PLCE1: variants seen among roughly 807,000 people sequenced by gnomAD.
PLCE1 encodes the protein phospholipase C epsilon 1.
Under a neutral mutation model 242.8 loss-of-function variants are expected in PLCE1, and 119 were observed. The ratio of observed to expected loss-of-function variants is 0.49; its 90% CI spans 0.42 to 0.57. The LOEUF is 0.57. Among genes scored for constraint, PLCE1 ranks in the 20% least tolerant of loss-of-function variants. The probability of loss-of-function intolerance (pLI) is 0.00; values close to 1 mark genes in which losing one functional copy is unlikely to be tolerated. For synonymous variants in PLCE1, 945 were observed against 1,017.4 expected, an observed-to-expected ratio of 0.93 and a Z score of 1.35; for missense variants, 2,441 against 2,788.8, an observed-to-expected ratio of 0.88 and a Z score of 2.81.
intron 8 of PLCE1, among the ~76,000 whole-genome samples, chr10:94,249,896 A>T (rs1314520968): frequency 1.3e-5 from 2 of 152,140 alleles, no homozygotes; most frequent in African/African-American, 4.8e-5. Flanking sequence ...CCAGGTAAAT[A>T]TCTTTGGTTA....
At chr10:94,321,122 ATTCATTCAGCCT>A (rs1352060505) in intron 29 of PLCE1, among the ~76,000 whole-genome samples, 2 of 152,210 alleles carry the variant, frequency 1.3e-5, no homozygotes, top group Non-Finnish European at 2.9e-5. Context: ...ACCTCCAGCC[ATTCATTCAGCCT>A]TGTCACTGCA....
chr10:94,136,151 G>A (rs1023377623), intron 3 of PLCE1, among the ~76,000 whole-genome samples: 3 of 152,138 alleles, frequency 2.0e-5, no homozygotes, highest in African/African-American at 7.2e-5. Context: ...AACAAATGCT[G>A]TATGATTTCC....
intron 1 of PLCE1, among the ~76,000 whole-genome samples, chr10:94,002,354 G>C (rs1166845566): frequency 6.6e-6 from 1 of 152,150 alleles, no homozygotes; most frequent in Non-Finnish European, 1.5e-5. Flanking sequence ...TGGGATGGCT[G>C]ACAACAGGTG....
Position 94,031,477 on chromosome 10 carries a change from T to A in PLCE1, c.431T>A (p.Leu144Gln). ...TTAGAAACTGGAATTCCTTCTCCAC[T>A]GGAAAGAAAGGTGTTCCCTGGAATT... ...LCLETGIPSP[L>Q]ERKVFPGIQL... is the part of the protein sequence containing the mutation. Residue 144 changes from leucine (L) to glutamine (Q), a missense_variant, in exon 2 of 33, where the codon CTG (leucine) becomes CAG (glutamine). Leu to Gln is a moderately radical substitution (Grantham distance 113). Coordinates refer to ENST00000371380, the MANE Select transcript of PLCE1 (RefSeq NM_016341.4). 6.2e-7 allele frequency: 1 copy of A among 1,613,290 alleles called. No homozygotes were observed.
chr10:94,017,434 AG>A lies in PLCE1; in HGVS notation c.-364-13247del, dbSNP rs561590510. Among the ~76,000 whole-genome samples the A allele has an allele frequency of 3.0e-3, 456 of 152,296 alleles. 2 individuals are homozygous for A. The highest frequency in any genetic ancestry group is 4.7e-3 in the Non-Finnish European group (317 of 68,022). Reference sequence around the variant, plus strand: ...CTAAAATGAACTTTGAGTTTTAACGAGGTATTCTATTTGCATTTTTAATTCT... The same window carrying A: ...CTAAAATGAACTTTGAGTTTTAACGAGTATTCTATTTGCATTTTTAATTCT... On this transcript the variant is annotated intron_variant, in intron 1 of 32. Coordinates refer to ENST00000371380, the MANE Select transcript of PLCE1 (RefSeq NM_016341.4).
At chr10:94,062,702 A>C (rs1346971597) in intron 2 of PLCE1, among the ~76,000 whole-genome samples, 2 of 150,954 alleles carry the variant, frequency 1.3e-5, no homozygotes, top group Non-Finnish European at 2.9e-5. Context: ...CTCCACCTTC[A>C]GTTGCTGGAA....
At chr10:94,269,138 G>C (rs1489508818) in intron 17 of PLCE1, 102 bp downstream of exon 17, 5 of 606,004 alleles carry the variant, frequency 8.3e-6, no homozygotes, top group African/African-American at 5.0e-5. Context: ...TTCTCGCTCT[G>C]TTATCCAGGC....
rs1169941611 is a variant in PLCE1, at chr10:94,313,278, T to C, written c.6028T>C (p.Cys2010Arg). Residue 2010 changes from cysteine to arginine, a missense_variant, in exon 28 of 33, where the codon TGT (cysteine) becomes CGT (arginine). Cys to Arg is a radical substitution (Grantham distance 180). Transcript: ENST00000371380. ...SSMFNTEERK[C>R]LQTHRVTVHG... ...GATGTTTAATACAGAAGAAAGAAAATGTTTGCAGACTCACAGAGTCACGGT... is the reference window on the plus strand; with the variant it reads ...GATGTTTAATACAGAAGAAAGAAAACGTTTGCAGACTCACAGAGTCACGGT... The C allele has an allele frequency of 2.5e-6, 4 of 1,614,132 alleles. No individual in the cohort carries two copies. The highest frequency in any genetic ancestry group is 2.5e-6 in the Non-Finnish European group (3 of 1,179,998).
At chr10:94,268,149 T>C (rs1463483727) in intron 16 of PLCE1, among the ~76,000 whole-genome samples, 2 of 152,230 alleles carry the variant, frequency 1.3e-5, no homozygotes, top group Non-Finnish European at 2.9e-5. Flanking sequence ...TATTGAGCTC[T>C]GCTTCCCACT....
At chr10:94,309,392 G>A (rs7096883) in intron 27 of PLCE1, among the ~76,000 whole-genome samples, 11,485 of 151,988 alleles carry the variant, frequency 0.076, 530 homozygotes, top group East Asian at 0.19. Context: ...GTGCAGTGGT[G>A]CCATCCTGGC....
chr10:94,314,713 C>G (rs1315943862), intron 28 of PLCE1, among the ~76,000 whole-genome samples: 4 of 152,182 alleles, frequency 2.6e-5, no homozygotes, highest in African/African-American at 9.6e-5. Context: ...TAGCTGGGAT[C>G]ATAACATTTG....
intron 5 of PLCE1, 22 bp downstream of exon 5, chr10:94,227,473 G>T (rs776682015): frequency 4.3e-6 from 7 of 1,609,710 alleles, no homozygotes; most frequent in African/African-American, 2.7e-5. Context: ...GGGGAATATG[G>T]TTATCTTGGC....
intron 4 of PLCE1, among the ~76,000 whole-genome samples, chr10:94,197,925 G>A (rs752800710): frequency 2.2e-5 from 3 of 134,810 alleles, no homozygotes; most frequent in Non-Finnish European, 3.1e-5. Flanking sequence ...GGAGGTTGCA[G>A]TGAGCCAAGA....
At chr10:94,060,247 T>G (rs1461254097) in intron 2 of PLCE1, among the ~76,000 whole-genome samples, 1 of 152,164 alleles carries the variant, frequency 6.6e-6, no homozygotes, top group African/African-American at 2.4e-5. Context: ...TTTCATTATG[T>G]GTTCTAAGAC....
At chr10:94,314,652 C>T (rs1270286316) in intron 28 of PLCE1, among the ~76,000 whole-genome samples, 1 of 152,092 alleles carries the variant, frequency 6.6e-6, no homozygotes, top group East Asian at 1.9e-4. Context: ...AAGCAATGAC[C>T]AAGGGAATGG....
At chr10:94,136,999 TG>T (rs2046799119) in intron 3 of PLCE1, among the ~76,000 whole-genome samples, 1 of 152,198 alleles carries the variant, frequency 6.6e-6, no homozygotes, top group Non-Finnish European at 1.5e-5. Flanking sequence ...AAGACCATCC[TG>T]GCTAACATGG....
At chr10:94,147,065 C>T (rs2047135845) in intron 3 of PLCE1, among the ~76,000 whole-genome samples, 1 of 152,136 alleles carries the variant, frequency 6.6e-6, no homozygotes, top group Admixed American at 6.5e-5. Flanking sequence ...AACGCTGTGT[C>T]TCTCTCCCCC....
chr10:94,142,508 C>T (rs1159965803), intron 3 of PLCE1, among the ~76,000 whole-genome samples: 11 of 152,052 alleles, frequency 7.2e-5, no homozygotes, highest in Non-Finnish European at 1.3e-4. Flanking sequence ...GGTGATGGAG[C>T]GAGACTCTCT....
intron 11 of PLCE1, among the ~76,000 whole-genome samples, chr10:94,258,413 G>C (rs1458686523): frequency 1.3e-5 from 2 of 152,142 alleles, no homozygotes; most frequent in Non-Finnish European, 2.9e-5. Flanking sequence ...TTAGAATATA[G>C]AAAAGAACGT....
Sources: allele counts gnomAD v4.1 joint callset (sites outside exome capture counted in the v4.1 genomes callset), GRCh38; gene constraint gnomAD v4.1.1; transcripts MANE v1.5; gene names NCBI Gene and HGNC (gene_info 2026-07-23, HGNC 2026-07-21).